ACSF3: variants seen among roughly 807,000 people sequenced by gnomAD.
ACSF3 encodes the protein malonate--CoA ligase ACSF3, mitochondrial.
Under a neutral mutation model 53.2 loss-of-function variants are expected in ACSF3, and 78 were observed. The ratio of observed to expected loss-of-function variants is 1.47; its 90% CI spans 1.22 to 1.77. The LOEUF is 1.77. Ranked by LOEUF, ACSF3 falls within the 40% of genes most tolerant of loss-of-function variation. The pLI, the probability that ACSF3 is intolerant of heterozygous loss-of-function variation, is 0.00. For synonymous variants in ACSF3, 414 were observed against 333.1 expected, an observed-to-expected ratio of 1.24 and a Z score of -2.65; for missense variants, 937 against 771.1, an observed-to-expected ratio of 1.22 and a Z score of -2.55.
chr16:89,126,779 C>T, intron 7 of ACSF3, among the ~76,000 whole-genome samples: 1 of 152,216 alleles, frequency 6.6e-6, no homozygotes. Flanking sequence ...TCCTTTCCAA[C>T]CTGTATGACC....
At position 89,093,949 on chromosome 16, in the gene ACSF3, G is replaced by C; in HGVS notation, c.-241G>C. ...CGCGCGCGCGGCGGAGGACGAGGAA[G>C]AGTTGTGGCGAGGCAGATCCTGCCC... On this transcript the variant is annotated 5_prime_UTR_variant, in exon 1 of 11. Transcript: ENST00000614302. 6.2e-6 allele frequency: 2 copies of C among 323,656 alleles called. No individual in the cohort carries two copies. Among genetic ancestry groups the C allele is most frequent in the Non-Finnish European group, 1.3e-5 (2 of 154,880 alleles). The allele number at this position is 323,656 out of a possible 1,614,324, so 20.0% of individuals were successfully genotyped here.
intron 7 of ACSF3, chr16:89,122,428 C>A (rs1422325833): frequency 2.2e-6 from 1 of 452,268 alleles, no homozygotes; most frequent in East Asian, 7.0e-5. Flanking sequence ...CCTGCCTCTG[C>A]CCTGCTGGTA....
chr16:89,104,136 G>A (rs1004161751), intron 4 of ACSF3, among the ~76,000 whole-genome samples: 1 of 152,242 alleles, frequency 6.6e-6, no homozygotes, highest in Admixed American at 6.5e-5. Flanking sequence ...CACGGTGTGC[G>A]TATGTCACAG....
At chr16:89,106,613 A>G (rs1418478195) in intron 4 of ACSF3, among the ~76,000 whole-genome samples, 3 of 152,216 alleles carry the variant, frequency 2.0e-5, no homozygotes, top group African/African-American at 7.2e-5. Flanking sequence ...ATTTAAACAA[A>G]TTTGATGCTG....
intron 10 of ACSF3, chr16:89,150,614 C>G (rs1007167540): frequency 2.9e-5 from 7 of 245,584 alleles, no homozygotes; most frequent in African/African-American, 1.3e-4. Context: ...TGTGACAAGA[C>G]CCTAAGACGG....
intron 4 of ACSF3, among the ~76,000 whole-genome samples, chr16:89,104,303 A>C (rs749700966): frequency 2.6e-4 from 39 of 152,374 alleles, no homozygotes; most frequent in Non-Finnish European, 5.4e-4. Flanking sequence ...TTCTCAGCAC[A>C]GAGGAGCCCA....
At chr16:89,097,771 TG>T (rs1974793510) in intron 1 of ACSF3, among the ~76,000 whole-genome samples, 1 of 71,468 alleles carries the variant, frequency 1.4e-5, no homozygotes, top group Admixed American at 1.7e-4. Context: ...TGAACAGCTG[TG>T]GAGGGCTTCT....
intron 8 of ACSF3, among the ~76,000 whole-genome samples, chr16:89,138,783 C>T (rs971576527): frequency 2.0e-5 from 3 of 152,256 alleles, no homozygotes; most frequent in African/African-American, 4.8e-5. Flanking sequence ...GCCCACGAGG[C>T]GGCCATGGTC....
At chr16:89,130,334 G>T (rs995012253) in intron 7 of ACSF3, among the ~76,000 whole-genome samples, 1 of 152,158 alleles carries the variant, frequency 6.6e-6, no homozygotes, top group Admixed American at 6.6e-5. Flanking sequence ...CACTTTGGGA[G>T]GCCAAGGTGG....
At chr16:89,123,851 C>T (rs1295628596) in intron 7 of ACSF3, among the ~76,000 whole-genome samples, 2 of 152,208 alleles carry the variant, frequency 1.3e-5, no homozygotes, top group Non-Finnish European at 2.9e-5. Context: ...TCCATCACCT[C>T]GCTGAGGGGC....
chr16:89,098,340 GGA>G (rs1402288640), intron 1 of ACSF3, among the ~76,000 whole-genome samples: 2 of 152,232 alleles, frequency 1.3e-5, no homozygotes, highest in Non-Finnish European at 2.9e-5. Flanking sequence ...GAGATGTGCT[GGA>G]GAGAGAGAAC....
At chr16:89,132,459 G>T (rs967653088) in intron 7 of ACSF3, among the ~76,000 whole-genome samples, 4 of 152,218 alleles carry the variant, frequency 2.6e-5, no homozygotes, top group African/African-American at 9.6e-5. Context: ...CCCAGCCCAG[G>T]CTCATATAAC....
At chr16:89,123,387 C>G (rs930944429) in intron 7 of ACSF3, among the ~76,000 whole-genome samples, 18 of 152,332 alleles carry the variant, frequency 1.2e-4, no homozygotes, top group Middle Eastern at 6.8e-3. Flanking sequence ...CGCAGACGCA[C>G]TTGGTACTTT....
intron 7 of ACSF3, among the ~76,000 whole-genome samples, chr16:89,121,461 G>A (rs1185195248): frequency 1.3e-5 from 2 of 152,334 alleles, no homozygotes; most frequent in East Asian, 3.9e-4. Flanking sequence ...AGCTGACAAG[G>A]GTGAACAAGA....
chr16:89,129,428 G>A (rs1908833036), intron 7 of ACSF3, among the ~76,000 whole-genome samples: 1 of 151,856 alleles, frequency 6.6e-6, no homozygotes, highest in African/African-American at 2.4e-5. Flanking sequence ...TATTATTATA[G>A]CTATTTTAAT....
At chr16:89,125,698 A>AAAAGAGAG (rs373857710) in intron 7 of ACSF3, among the ~76,000 whole-genome samples, 1 of 147,894 alleles carries the variant, frequency 6.8e-6, no homozygotes, top group Non-Finnish European at 1.5e-5. Context: ...CAAAAAAAAA[A>AAAAGAGAG]AGAGAGAGAG....
At chr16:89,112,294 A>T in intron 5 of ACSF3, 48 bp downstream of exon 5, 1 of 1,602,214 alleles carries the variant, frequency 6.2e-7, no homozygotes, top group South Asian at 1.1e-5. Context: ...TTAAAGATCA[A>T]CAGATACGAC....
intron 10 of ACSF3, 70 bp from the exon 11 acceptor site, chr16:89,154,020 C>A: frequency 2.0e-6 from 3 of 1,514,920 alleles, no homozygotes; most frequent in Non-Finnish European, 2.7e-6. Context: ...GTCCGTACTG[C>A]TGGGCGCCTG....
At chr16:89,095,682 C>T (rs887052059) in intron 1 of ACSF3, among the ~76,000 whole-genome samples, 77 of 152,282 alleles carry the variant, frequency 5.1e-4, no homozygotes, top group African/African-American at 1.4e-3. Context: ...CATTTGAATG[C>T]GAGTGTCATT....
Sources: allele counts gnomAD v4.1 joint callset (sites outside exome capture counted in the v4.1 genomes callset), GRCh38; gene constraint gnomAD v4.1.1; transcripts MANE v1.5; gene names NCBI Gene and HGNC (gene_info 2026-07-23, HGNC 2026-07-21).